Variants in BNC2 observed in about 807,000 individuals in gnomAD.
The protein encoded by BNC2 is zinc finger protein basonuclin-2.
A neutral mutation model predicts 76.3 loss-of-function variants in BNC2; 20 were observed. The ratio of observed to expected loss-of-function variants is 0.26; its 90% CI spans 0.18 to 0.38. The LOEUF (loss-of-function observed/expected upper bound fraction) is 0.38, where lower values mean the gene tolerates loss of function less well. BNC2 is among the 10% of genes least tolerant of loss of function. BNC2 has a pLI of 1.00. For synonymous variants in BNC2, 582 were observed against 514.8 expected, an observed-to-expected ratio of 1.13 and a Z score of -1.77; for missense variants, 1,382 against 1,399.8, an observed-to-expected ratio of 0.99 and a Z score of 0.20.
chr9:16,591,089 A>G (rs1819918415), intron 3 of BNC2, among the ~76,000 whole-genome samples: 1 of 152,216 alleles, frequency 6.6e-6, no homozygotes, highest in South Asian at 2.1e-4. Context: ...ATGGTGATTA[A>G]GTCAGCAAAT....
chr9:16,541,371 A>T (rs1281284149), intron 5 of BNC2, among the ~76,000 whole-genome samples: 1 of 152,218 alleles, frequency 6.6e-6, no homozygotes, highest in Non-Finnish European at 1.5e-5. Flanking sequence ...CAGAATTGAA[A>T]AGCTCCCAGA....
chr9:16,496,650 T>A (rs10962455), intron 5 of BNC2, among the ~76,000 whole-genome samples: 30,920 of 152,206 alleles, frequency 0.2, 3,381 homozygotes, highest in Non-Finnish European at 0.23. Flanking sequence ...ATATTTAATA[T>A]AATTTTCATC....
At chr9:16,637,673 G>C (rs1214138548) in intron 3 of BNC2, among the ~76,000 whole-genome samples, 1 of 152,200 alleles carries the variant, frequency 6.6e-6, no homozygotes, top group Non-Finnish European at 1.5e-5. Context: ...GTATTTCAAA[G>C]ATGTGTACAC....
At chr9:16,770,944 G>T (rs1240758550) in intron 1 of BNC2, among the ~76,000 whole-genome samples, 2 of 152,138 alleles carry the variant, frequency 1.3e-5, no homozygotes, top group Non-Finnish European at 1.5e-5. Flanking sequence ...TCCGAGGCAG[G>T]TGGATTACTT....
intron 3 of BNC2, among the ~76,000 whole-genome samples, chr9:16,676,736 G>T (rs1288025704): frequency 1.3e-5 from 2 of 152,176 alleles, no homozygotes; most frequent in African/African-American, 4.8e-5. Context: ...GAATAAAGAA[G>T]GTCTCGAAAA....
chr9:16,790,478 TGTC>T (rs1817474807), intron 1 of BNC2, among the ~76,000 whole-genome samples: 1 of 152,234 alleles, frequency 6.6e-6, no homozygotes. Flanking sequence ...TAAAAAACTG[TGTC>T]AATAGTAGTT....
chr9:16,768,188 A>T (rs958677053), intron 1 of BNC2, among the ~76,000 whole-genome samples: 1 of 151,728 alleles, frequency 6.6e-6, no homozygotes, highest in African/African-American at 2.4e-5. Context: ...CTGGTCTTAA[A>T]CTCCTGACCT....
intron 5 of BNC2, among the ~76,000 whole-genome samples, chr9:16,482,191 A>G (rs1484292283): frequency 6.6e-6 from 1 of 152,220 alleles, no homozygotes; most frequent in Non-Finnish European, 1.5e-5. Flanking sequence ...ATTGTGTTTT[A>G]ATGTTTTCAA....
intron 5 of BNC2, among the ~76,000 whole-genome samples, chr9:16,453,636 T>C (rs971059056): frequency 6.6e-6 from 1 of 152,124 alleles, no homozygotes; most frequent in African/African-American, 2.4e-5. Context: ...TCTGACCACA[T>C]TACAACTCCT....
chr9:16,780,050 C>A (rs547078444), intron 1 of BNC2, among the ~76,000 whole-genome samples: 3 of 151,170 alleles, frequency 2.0e-5, no homozygotes, highest in East Asian at 2.0e-4. Flanking sequence ...TCCTGGCTAA[C>A]ATGGTGAAAC....
At chr9:16,781,073 T>C (rs1586879081) in intron 1 of BNC2, among the ~76,000 whole-genome samples, 1 of 152,138 alleles carries the variant, frequency 6.6e-6, no homozygotes, top group Admixed American at 6.5e-5. Context: ...TTCTTTTTTT[T>C]AGAGTGGGCA....
intron 1 of BNC2, among the ~76,000 whole-genome samples, chr9:16,853,155 C>T (rs1454575698): frequency 6.6e-6 from 1 of 152,258 alleles, no homozygotes; most frequent in African/African-American, 2.4e-5. Context: ...CAGTGGCTCA[C>T]GCCTGTAATC....
At chr9:16,602,657 G>C (rs1043801687) in intron 3 of BNC2, among the ~76,000 whole-genome samples, 1 of 152,176 alleles carries the variant, frequency 6.6e-6, no homozygotes, top group Non-Finnish European at 1.5e-5. Context: ...TGGGGTTTTG[G>C]AGACATGGAC....
intron 5 of BNC2, among the ~76,000 whole-genome samples, chr9:16,510,585 C>T (rs1822730755): frequency 6.6e-6 from 1 of 152,196 alleles, no homozygotes; most frequent in Non-Finnish European, 1.5e-5. Context: ...AATACAAGAC[C>T]TAAAACTTGG....
chr9:16,546,988 A>G (rs1818504578), intron 5 of BNC2, among the ~76,000 whole-genome samples: 1 of 152,244 alleles, frequency 6.6e-6, no homozygotes, highest in South Asian at 2.1e-4. Context: ...ACAGTGATGA[A>G]TAAGAGACAT....
At chr9:16,748,760 T>C (rs1014580147) in intron 1 of BNC2, among the ~76,000 whole-genome samples, 1 of 140,644 alleles carries the variant, frequency 7.1e-6, no homozygotes, top group Non-Finnish European at 1.5e-5. Flanking sequence ...AGAGAATTGC[T>C]AGGACCCAGG....
At position 16,435,734 on chromosome 9, in the gene BNC2, G is replaced by C. The variant is rs778276870; in HGVS notation, c.2460C>G (p.Phe820Leu). ...SSLNYGSPQK[F>L]SPEGDLCSSP... ...TAGAACATAGGTCACCTTCTGGGGA[G>C]AACTTTTGAGGGCTGCCATAATTCA... Residue 820 changes from phenylalanine (F) to leucine (L), a missense_variant, in exon 6 of 7, where the codon TTC becomes TTG. This residue lies in a region of BNC2 where 798 missense variants were observed against 775.5 expected (regional missense o/e 1.03). Transcript: ENST00000380672. 5 of 1,614,078 alleles carry C rather than the reference G, an allele frequency of 3.1e-6. No homozygotes were observed. The Admixed American group carries it at 5.0e-5, about 16-fold the overall frequency.
intron 5 of BNC2, among the ~76,000 whole-genome samples, chr9:16,520,734 G>C (rs1241797103): frequency 6.6e-6 from 1 of 152,176 alleles, no homozygotes; most frequent in Admixed American, 6.5e-5. Context: ...ACTGTACTTT[G>C]TGATTCCAGG....
intron 3 of BNC2, among the ~76,000 whole-genome samples, chr9:16,681,371 G>C (rs1822815580): frequency 1.3e-5 from 2 of 152,140 alleles, no homozygotes; most frequent in Non-Finnish European, 2.9e-5. Flanking sequence ...CTCTCATGTA[G>C]GGATGTATTG....
Sources: allele counts gnomAD v4.1 joint callset (sites outside exome capture counted in the v4.1 genomes callset), GRCh38; gene constraint gnomAD v4.1.1; regional missense constraint gnomAD v4.1.1; transcripts MANE v1.5; gene names NCBI Gene and HGNC (gene_info 2026-07-23, HGNC 2026-07-21).